The following SETBP1 variants were observed in gnomAD, a reference collection of about 807,000 sequenced individuals.
SETBP1 encodes the protein SET binding protein 1, also known as SET-binding protein.
A neutral mutation model predicts 101.0 loss-of-function variants in SETBP1; 9 were observed. That is an observed-to-expected ratio of 0.09 (90% CI 0.05 to 0.16). The LOEUF is 0.16. Among genes scored for constraint, SETBP1 ranks in the 10% least tolerant of loss-of-function variants. SETBP1 has a pLI of 1.00. For missense variants in SETBP1, 1,858 were observed against 2,033.8 expected, an observed-to-expected ratio of 0.91 and a Z score of 1.66; for synonymous variants, 818 against 788.5, an observed-to-expected ratio of 1.04 and a Z score of -0.63.
intron 2 of SETBP1, among the ~76,000 whole-genome samples, chr18:44,800,766 C>A (rs1452811172): frequency 6.6e-6 from 1 of 152,168 alleles, no homozygotes; most frequent in Non-Finnish European, 1.5e-5. Context: ...TCCTTGTTGA[C>A]CGGGAGAGAA....
chr18:44,931,443 T>C (rs1020924567), intron 3 of SETBP1, among the ~76,000 whole-genome samples: 10 of 152,224 alleles, frequency 6.6e-5, no homozygotes, highest in African/African-American at 2.2e-4. Flanking sequence ...CTTCTGTACA[T>C]GTCTATTAGG....
intron 3 of SETBP1, among the ~76,000 whole-genome samples, chr18:44,913,621 G>T (rs180950984): frequency 1.3e-5 from 2 of 152,304 alleles, no homozygotes; most frequent in Non-Finnish European, 2.9e-5. Context: ...AACAAAAGTG[G>T]TTTCCCTGCA....
intron 2 of SETBP1, among the ~76,000 whole-genome samples, 166 bp downstream of exon 2, chr18:44,701,998 C>G (rs1213729611): frequency 6.6e-6 from 1 of 152,070 alleles, no homozygotes; most frequent in Non-Finnish European, 1.5e-5. Context: ...TTTGACTTCC[C>G]CCAAAACTTA....
intron 4 of SETBP1, chr18:44,987,363 G>A (rs1377342901): frequency 6.6e-6 from 1 of 152,202 alleles, no homozygotes; most frequent in African/African-American, 2.4e-5. Flanking sequence ...GACTCATGAA[G>A]TCAGTGGTAC....
chr18:44,964,463 A>G (rs1304709662), intron 4 of SETBP1, among the ~76,000 whole-genome samples: 1 of 152,178 alleles, frequency 6.6e-6, no homozygotes, highest in African/African-American at 2.4e-5. Flanking sequence ...ATCCACCACT[A>G]AATAATTCAC....
At chr18:45,023,179 C>T (rs1156506726) in intron 4 of SETBP1, among the ~76,000 whole-genome samples, 5 of 152,132 alleles carry the variant, frequency 3.3e-5, no homozygotes, top group Admixed American at 6.5e-5. Context: ...GATTCTTAAT[C>T]AACCAGATCA....
At chr18:44,723,506 G>A (rs543554424) in intron 2 of SETBP1, among the ~76,000 whole-genome samples, 4 of 152,128 alleles carry the variant, frequency 2.6e-5, no homozygotes, top group South Asian at 4.1e-4. Context: ...GTCGGCGGGG[G>A]GAAAAAAAAC....
At chr18:45,061,648 G>T (rs1043499090) in intron 5 of SETBP1, among the ~76,000 whole-genome samples, 2 of 152,178 alleles carry the variant, frequency 1.3e-5, no homozygotes, top group Non-Finnish European at 2.9e-5. Context: ...GGCAATCTGT[G>T]CTGGGCACAG....
chr18:44,847,612 C>T (rs1044765528), intron 2 of SETBP1, among the ~76,000 whole-genome samples: 1 of 152,126 alleles, frequency 6.6e-6, no homozygotes, highest in Non-Finnish European at 1.5e-5. Context: ...CTTTTTGAGC[C>T]CCTACAATGT....
intron 2 of SETBP1, among the ~76,000 whole-genome samples, chr18:44,755,942 G>A (rs1202586097): frequency 1.3e-5 from 2 of 152,094 alleles, no homozygotes; most frequent in African/African-American, 4.8e-5. Flanking sequence ...TTGGCCGGGC[G>A]CGGTGGCTCA....
chr18:44,762,246 C>T (rs2070667761), intron 2 of SETBP1, among the ~76,000 whole-genome samples: 1 of 152,064 alleles, frequency 6.6e-6, no homozygotes, highest in African/African-American at 2.4e-5. Flanking sequence ...GTTCTTTAGG[C>T]CCAGCCCAGA....
intron 3 of SETBP1, among the ~76,000 whole-genome samples, chr18:44,911,724 A>G (rs893470150): frequency 2.0e-5 from 3 of 152,234 alleles, no homozygotes; most frequent in Non-Finnish European, 4.4e-5. Flanking sequence ...GAAATCGTTC[A>G]TCAGAAAGGT....
chr18:44,803,799 A>G (rs2071664422), intron 2 of SETBP1, among the ~76,000 whole-genome samples: 1 of 152,138 alleles, frequency 6.6e-6, no homozygotes, highest in Non-Finnish European at 1.5e-5. Context: ...TAAACAGGGT[A>G]TATTCTTTAA....
intron 2 of SETBP1, among the ~76,000 whole-genome samples, chr18:44,852,431 G>A (rs1431090247): frequency 6.6e-6 from 1 of 152,200 alleles, no homozygotes; most frequent in East Asian, 1.9e-4. Context: ...AGCTGGGTGT[G>A]CAGCCATGGG....
At position 44,876,715 on chromosome 18, in the gene SETBP1, T is replaced by C. The variant is rs2069413852; in HGVS notation, c.540+7432T>C. ...AAAACCCGGTTCTCTCACTCTTCCT[T>C]TTCACAGTGAACCTGCAGTCTGGGC... On this transcript the variant is annotated intron_variant, in intron 3 of 5. Coordinates refer to ENST00000649279, the MANE Select transcript of SETBP1 (RefSeq NM_015559.3). 1 of 1,547,236 alleles carries C rather than the reference T, an allele frequency of 6.5e-7. No homozygotes were observed. Among genetic ancestry groups the C allele is most frequent in the Non-Finnish European group, 8.7e-7 (1 of 1,144,320 alleles).
intron 2 of SETBP1, among the ~76,000 whole-genome samples, chr18:44,828,830 A>C (rs2072295071): frequency 6.6e-6 from 1 of 152,266 alleles, no homozygotes; most frequent in Admixed American, 6.5e-5. Flanking sequence ...TACAGAACTC[A>C]TTTGCTTTCT....
intron 4 of SETBP1, among the ~76,000 whole-genome samples, chr18:44,964,494 T>G (rs2071679260): frequency 6.6e-6 from 1 of 152,056 alleles, no homozygotes; most frequent in African/African-American, 2.4e-5. Context: ...CTAAATACTG[T>G]TTTTCTATTT....
chr18:44,864,531 C>G (rs1336152969), intron 2 of SETBP1, among the ~76,000 whole-genome samples: 1 of 152,074 alleles, frequency 6.6e-6, no homozygotes, highest in Non-Finnish European at 1.5e-5. Context: ...GGGTCATCCT[C>G]CTAATATTTT....
chr18:44,876,153 T>A (rs943369244), intron 3 of SETBP1, among the ~76,000 whole-genome samples: 1 of 152,226 alleles, frequency 6.6e-6, no homozygotes, highest in Non-Finnish European at 1.5e-5. Context: ...GGGAGAATCA[T>A]AGTGGTGTTT....
Sources: gnomAD v4.1 joint callset for allele counts (sites outside exome capture counted in the v4.1 genomes callset) on GRCh38, gnomAD v4.1.1 for gene constraint, MANE v1.5 for transcripts, NCBI Gene and HGNC (gene_info 2026-07-23, HGNC 2026-07-21) for gene names.